Variants in BTD observed in about 807,000 individuals in gnomAD.
BTD encodes biotinidase.
BTD carries 13 observed loss-of-function variants against 17.7 expected under a neutral mutation model. The observed-to-expected ratio is 0.74, with a 90% CI of 0.48 to 1.17. The LOEUF is 1.17. BTD is among the 50% of genes most tolerant of loss of function. The pLI is 0.00. For missense variants in BTD, 674 were observed against 650.4 expected (o/e 1.04, Z -0.39); for synonymous variants, 240 against 245.2 (o/e 0.98, Z 0.20).
At chr3:15,606,957 T>TG (rs923248617) in intron 1 of BTD, 2 of 151,216 alleles carry the variant, frequency 1.3e-5, no homozygotes, top group African/African-American at 2.4e-5. Context: ...TTTGGTTTTT[T>TG]TTTTTTTTTT....
downstream of BTD, among the ~76,000 whole-genome samples, chr3:15,655,183 A>C (rs796350312): frequency 3.3e-5 from 5 of 152,366 alleles, no homozygotes; most frequent in African/African-American, 9.6e-5. Flanking sequence ...TATTAGAGGA[A>C]CAAAGAAGGC....
At chr3:15,709,944 A>G (rs1390297434) in intron 3 of BTD, among the ~76,000 whole-genome samples, 1 of 152,200 alleles carries the variant, frequency 6.6e-6, no homozygotes, top group Non-Finnish European at 1.5e-5. Flanking sequence ...CACTGAGGAA[A>G]TAACACACGA....
intron 2 of BTD, among the ~76,000 whole-genome samples, chr3:15,638,847 G>A (rs946639158): frequency 6.6e-6 from 1 of 152,164 alleles, no homozygotes; most frequent in Non-Finnish European, 1.5e-5. Context: ...AACACTGTAG[G>A]CAGTTGTAAC....
chr3:15,677,624 C>T (rs1456346948), intron 3 of BTD: 5 of 1,281,516 alleles, frequency 3.9e-6, no homozygotes, highest in Non-Finnish European at 5.6e-6. Flanking sequence ...TTACCAATAA[C>T]TCACTGTAGA....
downstream of BTD, among the ~76,000 whole-genome samples, chr3:15,656,625 A>G (rs1032359712): frequency 6.6e-6 from 1 of 152,204 alleles, no homozygotes; most frequent in African/African-American, 2.4e-5. Flanking sequence ...ACTTATTCCT[A>G]GAGCATTTTT....
chr3:15,616,568 A>G (rs1477711907), intron 1 of BTD, among the ~76,000 whole-genome samples: 1 of 151,978 alleles, frequency 6.6e-6, no homozygotes, highest in African/African-American at 2.4e-5. Context: ...GTGAGCCAAG[A>G]TCGCACCATT....
At chr3:15,711,973 G>C (rs1265172770) in exon 4 of BTD, among the ~76,000 whole-genome samples, 4 of 151,996 alleles carry the variant, frequency 2.6e-5, no homozygotes, top group Admixed American at 1.3e-4. Context: ...TGGGATTACA[G>C]GCATGAGCCA....
chr3:15,701,173 T>C (rs2070545605), intron 3 of BTD, among the ~76,000 whole-genome samples: 1 of 152,226 alleles, frequency 6.6e-6, no homozygotes, highest in Non-Finnish European at 1.5e-5. Flanking sequence ...GAGCCATTAT[T>C]TCAATGCTAA....
intron 1 of BTD, among the ~76,000 whole-genome samples, chr3:15,622,155 G>A (rs1361921909): frequency 6.6e-6 from 1 of 151,724 alleles, no homozygotes; most frequent in Admixed American, 6.6e-5. Context: ...ACATTTCATT[G>A]ATTTCTATTC....
At chr3:15,615,706 A>G (rs1196443063) in intron 1 of BTD, among the ~76,000 whole-genome samples, 2 of 152,372 alleles carry the variant, frequency 1.3e-5, no homozygotes, top group African/African-American at 2.4e-5. Flanking sequence ...CCTGTTATCA[A>G]TATCCCAGAC....
intron 1 of BTD, among the ~76,000 whole-genome samples, chr3:15,617,571 G>A (rs1028133627): frequency 6.6e-6 from 1 of 152,180 alleles, no homozygotes; most frequent in South Asian, 2.1e-4. Context: ...TGTCAAAGAT[G>A]AGTTAACTAT....
At chr3:15,681,522 G>A (rs1253277218) in intron 3 of BTD, among the ~76,000 whole-genome samples, 1 of 151,958 alleles carries the variant, frequency 6.6e-6, no homozygotes, top group Non-Finnish European at 1.5e-5. Flanking sequence ...TAGTCATTTG[G>A]GATCTACTTT....
At chr3:15,719,092 G>C (rs1049795417) in intron 4 of BTD, among the ~76,000 whole-genome samples, 5 of 152,108 alleles carry the variant, frequency 3.3e-5, no homozygotes, top group Non-Finnish European at 5.9e-5. Context: ...CTTTTAAAAA[G>C]ATGGTTTAGC....
chr3:15,662,460 T>C (rs2065934016), intron 3 of BTD, among the ~76,000 whole-genome samples: 1 of 152,258 alleles, frequency 6.6e-6, no homozygotes, highest in Admixed American at 6.5e-5. Flanking sequence ...GAACCTTGTA[T>C]CTTGCAATAC....
intron 1 of BTD, among the ~76,000 whole-genome samples, chr3:15,622,668 A>G (rs776812995): frequency 1.3e-5 from 2 of 152,228 alleles, no homozygotes; most frequent in South Asian, 4.1e-4. Flanking sequence ...TACAGTTATA[A>G]TAGTGGATAC....
chr3:15,636,138 G>A (rs2065341586), intron 2 of BTD, among the ~76,000 whole-genome samples: 1 of 152,176 alleles, frequency 6.6e-6, no homozygotes, highest in East Asian at 1.9e-4. Flanking sequence ...TTGTTTTAAG[G>A]CTCCCCAGTG....
intron 1 of BTD, among the ~76,000 whole-genome samples, chr3:15,618,948 A>AT (rs1388680067): frequency 2.0e-5 from 3 of 152,228 alleles, no homozygotes; most frequent in African/African-American, 7.2e-5. Context: ...AGTTCCAGAT[A>AT]TTTTTTATTA....
Position 15,635,520 on chromosome 3 carries a change from G to A in BTD, c.81G>A (p.Glu27=), listed in dbSNP as rs530566306. The A allele has an allele frequency of 2.5e-6, 4 of 1,614,158 alleles. No individual in the cohort carries two copies. The highest frequency in any genetic ancestry group is 3.3e-5 in the Admixed American group (2 of 60,022). ...VVALGAHTGE[E]SVADHHEAEY... Reference sequence around the variant, plus strand: ...CCCTGGGAGCCCACACCGGGGAGGAGAGCGTGGCTGACCATCACGAGGCTG... The same window carrying A: ...CCCTGGGAGCCCACACCGGGGAGGAAAGCGTGGCTGACCATCACGAGGCTG... The change falls in exon 2 of 4, where the codon GAG becomes GAA. Residue 27 remains glutamate, a synonymous_variant. Coordinates refer to ENST00000643237, the MANE Select transcript of BTD (RefSeq NM_001370658.1). The surrounding 1 kb of genome is among the most constrained non-coding windows in gnomAD (Gnocchi z 4.1).
intron 3 of BTD, among the ~76,000 whole-genome samples, chr3:15,680,931 T>C (rs766857050): frequency 3.9e-5 from 6 of 152,208 alleles, no homozygotes; most frequent in Non-Finnish European, 8.8e-5. Context: ...CCTCCTAAAA[T>C]GCTGGGATTA....
Sources: allele counts gnomAD v4.1 joint callset (sites outside exome capture counted in the v4.1 genomes callset), GRCh38; gene constraint gnomAD v4.1.1; non-coding constraint Gnocchi (gnomAD v3.1); transcripts MANE v1.5; gene names NCBI Gene and HGNC (gene_info 2026-07-23, HGNC 2026-07-21).